The following MYH15 variants were observed in gnomAD, a reference collection of about 807,000 sequenced individuals.
MYH15 encodes myosin-15.
Under a neutral mutation model 240.5 loss-of-function variants are expected in MYH15, and 227 were observed. That is an observed-to-expected ratio of 0.94 (90% CI 0.85 to 1.05). MYH15 has a LOEUF of 1.05. Ranked by LOEUF, MYH15 falls within the 50% of genes least tolerant of loss-of-function variation. MYH15 has a pLI of 0.00. For synonymous variants in MYH15, 785 were observed against 796.7 expected, an observed-to-expected ratio of 0.99 and a Z score of 0.25; for missense variants, 2,217 against 2,247.5, an observed-to-expected ratio of 0.99 and a Z score of 0.27.
chr3:108,423,006 G>A (rs1403800672), intron 27 of MYH15, among the ~76,000 whole-genome samples: 1 of 152,132 alleles, frequency 6.6e-6, no homozygotes, highest in Non-Finnish European at 1.5e-5. Context: ...TTTGTCCCCG[G>A]CCACAAAAAA....
At chr3:108,512,115 A>G (rs1176749602), upstream of MYH15, among the ~76,000 whole-genome samples, 2 of 152,206 alleles carry the variant, frequency 1.3e-5, no homozygotes, top group African/African-American at 4.8e-5. Flanking sequence ...GGCCCTCCAG[A>G]GATGCGACTG....
At chr3:108,519,359 G>T (rs1470232746) in intron 1 of MYH15, among the ~76,000 whole-genome samples, 1 of 152,126 alleles carries the variant, frequency 6.6e-6, no homozygotes, top group Non-Finnish European at 1.5e-5. Flanking sequence ...CATCTGAATT[G>T]TATTGCTCCA....
At chr3:108,403,755 C>CT (rs1325809249) in intron 33 of MYH15, among the ~76,000 whole-genome samples, 1 of 152,164 alleles carries the variant, frequency 6.6e-6, no homozygotes, top group Non-Finnish European at 1.5e-5. Flanking sequence ...TCCACCCCTT[C>CT]TTTTCTCAGC....
At chr3:108,485,392 C>A (rs1168867858) in intron 10 of MYH15, among the ~76,000 whole-genome samples, 163 bp from the exon 11 acceptor site, 1 of 152,238 alleles carries the variant, frequency 6.6e-6, no homozygotes, top group East Asian at 1.9e-4. Flanking sequence ...TGGTCACCCG[C>A]AGTCTGCTCA....
intron 16 of MYH15, 99 bp downstream of exon 16, chr3:108,463,012 A>G (rs1279312499): frequency 1.5e-6 from 2 of 1,374,854 alleles, no homozygotes; most frequent in East Asian, 2.3e-5. Flanking sequence ...CAGGGAGCAG[A>G]AACATATCAC....
intron 30 of MYH15, 70 bp from the exon 31 acceptor site, chr3:108,411,002 G>T: frequency 7.5e-7 from 1 of 1,328,386 alleles, no homozygotes; most frequent in Non-Finnish European, 1.0e-6. Flanking sequence ...GTCTGCCCTG[G>T]ATTAAAGATA....
chr3:108,500,364 A>T, intron 3 of MYH15, 90 bp from the exon 4 acceptor site: 4 of 1,366,062 alleles, frequency 2.9e-6, no homozygotes, highest in Non-Finnish European at 3.0e-6. Context: ...TATTTGCTCA[A>T]ATATTACTTA....
At chr3:108,464,553 C>T (rs150669473) in intron 15 of MYH15, 85 bp downstream of exon 15, 8 of 1,298,940 alleles carry the variant, frequency 6.2e-6, no homozygotes, top group African/African-American at 1.5e-5. Flanking sequence ...CTAAACATTA[C>T]TTAAATATCA....
intron 2 of MYH15, among the ~76,000 whole-genome samples, chr3:108,505,475 GC>G (rs2083468509): frequency 6.6e-6 from 1 of 151,952 alleles, no homozygotes; most frequent in African/African-American, 2.4e-5. Context: ...TTGCCATGTT[GC>G]CCAGGCTGCT....
At position 108,421,146 on chromosome 3, in the gene MYH15, C is replaced by G. The variant is rs1475627315; in HGVS notation, c.3771G>C (p.Lys1257Asn). ...CCAGGTCATTTGCCAACTGAGTCAC[C>G]TTATCTAGCTTTGCAGTTGCTTCAT... Reference protein sequence around the residue: ...RLHEATAKLDKVTQLANDLAA... With the variant: ...RLHEATAKLDNVTQLANDLAA... The change falls in exon 28 of 41, where the codon AAG becomes AAC. Residue 1257 changes from lysine (K) to asparagine (N), a missense_variant. By Grantham distance (94) the Lys-to-Asn change is moderately conservative. Coordinates refer to ENST00000693548, the MANE Select transcript of MYH15 (RefSeq NM_014981.3). 6.2e-7 allele frequency: 1 copy of G among 1,614,138 alleles called. No individual in the cohort carries two copies. Among genetic ancestry groups the G allele is most frequent in the Admixed American group, 1.7e-5 (1 of 60,020 alleles).
At chr3:108,469,954 T>TAG (rs2107586580) in intron 14 of MYH15, 88 bp downstream of exon 14, 2 of 1,311,982 alleles carry the variant, frequency 1.5e-6, no homozygotes, top group East Asian at 5.2e-5. Context: ...CATCCTCTGA[T>TAG]AGGGCCTAAG....
At chr3:108,480,911 C>A (rs1045687563) in intron 11 of MYH15, among the ~76,000 whole-genome samples, 3 of 152,132 alleles carry the variant, frequency 2.0e-5, no homozygotes, top group African/African-American at 7.2e-5. Context: ...TCCATCTGTC[C>A]AGCTCCTTCA....
At chr3:108,543,682 T>C in the MYH15 span, 1 of 152,418 alleles carries the variant, frequency 6.6e-6, no homozygotes, top group African/African-American at 2.4e-5. Flanking sequence ...TACTTTGGTG[T>C]GATATCTCCC....
intron 5 of MYH15, among the ~76,000 whole-genome samples, chr3:108,498,684 AT>A (rs1321090014): frequency 3.3e-5 from 5 of 152,224 alleles, no homozygotes; most frequent in African/African-American, 1.2e-4. Flanking sequence ...GCCTGCCTTT[AT>A]CTATACAAAA....
At chr3:108,428,100 AC>A (rs1293717695) in intron 27 of MYH15, among the ~76,000 whole-genome samples, 2 of 152,208 alleles carry the variant, frequency 1.3e-5, no homozygotes. Context: ...CTGTTTGTGT[AC>A]ACCATTCATT....
chr3:108,542,715 C>G, the MYH15 span, among the ~76,000 whole-genome samples: 1 of 152,088 alleles, frequency 6.6e-6, no homozygotes, highest in Non-Finnish European at 1.5e-5. Flanking sequence ...CACTCCTCCC[C>G]ACAACAGGCT....
At chr3:108,485,773 A>C (rs2083300685) in intron 10 of MYH15, among the ~76,000 whole-genome samples, 1 of 152,250 alleles carries the variant, frequency 6.6e-6, no homozygotes, top group Non-Finnish European at 1.5e-5. Flanking sequence ...TCTAGTGGTT[A>C]ATTTAGAATA....
upstream of MYH15, among the ~76,000 whole-genome samples, chr3:108,534,024 A>C (rs1000114856): frequency 2.0e-5 from 3 of 152,206 alleles, no homozygotes; most frequent in Admixed American, 6.5e-5. Flanking sequence ...CGATTGACTT[A>C]TACATTTGAA....
In MYH15 at chr3:108,444,855, T is replaced by C; in HGVS notation, c.2440A>G (p.Met814Val). ...ATCCAGGGCCAGTTCTTCACAGCCATGAAAGCTCTTATGTTCCATTGGATC... is the reference window on the plus strand; with the variant it reads ...ATCCAGGGCCAGTTCTTCACAGCCACGAAAGCTCTTATGTTCCATTGGATC... ...ILIQWNIRAF[M>V]AVKNWPWMRL... The change falls in exon 22 of 41, where the codon ATG becomes GTG. Residue 814 changes from methionine (M) to valine (V), a missense_variant. By Grantham distance (21) the Met-to-Val change is conservative. Transcript: ENST00000693548. The C allele has an allele frequency of 6.2e-7, 1 of 1,613,982 alleles. No individual in the cohort carries two copies. Among genetic ancestry groups the C allele is most frequent in the Non-Finnish European group, 8.5e-7 (1 of 1,179,938 alleles).
Sources: allele counts gnomAD v4.1 joint callset (sites outside exome capture counted in the v4.1 genomes callset), GRCh38; gene constraint gnomAD v4.1.1; transcripts MANE v1.5; gene names NCBI Gene and HGNC (gene_info 2026-07-23, HGNC 2026-07-21).